The following SH3GL2 variants were observed in gnomAD, a reference collection of about 807,000 sequenced individuals.
The protein encoded by SH3GL2 is endophilin-A1.
Under a neutral mutation model 46.0 loss-of-function variants are expected in SH3GL2, and 24 were observed. That is an observed-to-expected ratio of 0.52 (90% CI 0.38 to 0.73). The LOEUF (loss-of-function observed/expected upper bound fraction) is 0.73, where lower values mean the gene tolerates loss of function less well. Among genes scored for constraint, SH3GL2 ranks in the 30% least tolerant of loss-of-function variants. The probability of loss-of-function intolerance (pLI) is 0.00; values close to 1 mark genes in which losing one functional copy is unlikely to be tolerated. For synonymous variants in SH3GL2, 196 were observed against 147.1 expected (o/e 1.33, Z -2.40); for missense variants, 413 against 424.2 (o/e 0.97, Z 0.23).
intron 1 of SH3GL2, among the ~76,000 whole-genome samples, chr9:17,632,830 T>C (rs908864529): frequency 1.3e-5 from 2 of 152,192 alleles, no homozygotes; most frequent in Non-Finnish European, 2.9e-5. Flanking sequence ...CTGAAAAAGA[T>C]TCTGTCAGGA....
rs117418382 is a variant in SH3GL2 at position 17,684,272 on chromosome 9, G to C, written c.46-62794G>C. On this transcript the variant is annotated intron_variant, in intron 1 of 8. Coordinates refer to ENST00000380607, the MANE Select transcript of SH3GL2 (RefSeq NM_003026.5). ...AAAAAAGAGTGAAATGAAAATGCTA[G>C]AAATGAAAAACTTAGTAACAGAGAT... Among the ~76,000 whole-genome samples, 188 of 152,168 alleles carry C rather than the reference G, an allele frequency of 1.2e-3. 6 individuals carry two copies. The East Asian group carries it at 0.027, about 22-fold the overall frequency.
chr9:17,622,301 T>G (rs1819161762), intron 1 of SH3GL2, among the ~76,000 whole-genome samples: 1 of 152,182 alleles, frequency 6.6e-6, no homozygotes, highest in Non-Finnish European at 1.5e-5. Flanking sequence ...AATCGTAATA[T>G]GCAAATAAGC....
At position 17,730,919 on chromosome 9, in the gene SH3GL2, G is replaced by A. The variant is rs181937677; in HGVS notation, c.46-16147G>A. 3.7e-3 allele frequency among the ~76,000 whole-genome samples: 556 copies of A among 152,188 alleles called. 6 individuals carry two copies. The highest frequency in any genetic ancestry group is 0.011 in the African/African-American group (451 of 41,550). ...GAACCAAAACAAAAGGACAAAAACA[G>A]TTTTTTAAATAAGTGCACACTTAGG... On this transcript the variant is annotated intron_variant, in intron 1 of 8. Coordinates refer to ENST00000380607, the MANE Select transcript of SH3GL2 (RefSeq NM_003026.5).
At chr9:17,745,452 C>T (rs528711490) in intron 1 of SH3GL2, among the ~76,000 whole-genome samples, 9 of 152,188 alleles carry the variant, frequency 5.9e-5, no homozygotes, top group South Asian at 4.1e-4. Context: ...TTTTCATAAC[C>T]GCTCTGTGTA....
intron 1 of SH3GL2, among the ~76,000 whole-genome samples, chr9:17,657,746 GGTT>G (rs1380007960): frequency 6.6e-6 from 1 of 152,084 alleles, no homozygotes; most frequent in Non-Finnish European, 1.5e-5. Flanking sequence ...GAACAATAAT[GGTT>G]GTTCTTACAA....
rs117896742 is a variant in SH3GL2 at position 17,689,018 on chromosome 9, C to T, written c.46-58048C>T. Among the ~76,000 whole-genome samples, 800 of 152,162 alleles carry T rather than the reference C, an allele frequency of 5.3e-3. 10 individuals carry two copies. The highest frequency in any genetic ancestry group is 0.027 in the East Asian group (139 of 5,152). On this transcript the variant is annotated intron_variant, in intron 1 of 8. Transcript: ENST00000380607. ...AGTCACTTTACAGTGGAGAAACCCA[C>T]ACACACTACCCCAGCCAGGTGATCA...
chr9:17,642,394 A>C (rs868011061), intron 1 of SH3GL2, among the ~76,000 whole-genome samples: 1 of 152,064 alleles, frequency 6.6e-6, no homozygotes, highest in African/African-American at 2.4e-5. Context: ...TTGTGTTGCC[A>C]TTGCTTTTGG....
chr9:17,773,199 G>A (rs759693964), intron 3 of SH3GL2, among the ~76,000 whole-genome samples: 5 of 151,968 alleles, frequency 3.3e-5, no homozygotes, highest in South Asian at 4.1e-4. Context: ...TTTTTGTTGC[G>A]TTTTAGGAGT....
At chr9:17,695,319 A>G (rs1405710177) in intron 1 of SH3GL2, among the ~76,000 whole-genome samples, 1 of 152,138 alleles carries the variant, frequency 6.6e-6, no homozygotes, top group Non-Finnish European at 1.5e-5. Context: ...GGAACTTGGG[A>G]TCCCACGAGC....
chr9:17,725,612 A>T (rs889837995), intron 1 of SH3GL2, among the ~76,000 whole-genome samples: 1 of 152,098 alleles, frequency 6.6e-6, no homozygotes, highest in Non-Finnish European at 1.5e-5. Flanking sequence ...AGTTGTGGTG[A>T]TGGTGGCTCT....
intron 1 of SH3GL2, among the ~76,000 whole-genome samples, chr9:17,608,286 T>C (rs1394528050): frequency 6.6e-6 from 1 of 151,606 alleles, no homozygotes; most frequent in South Asian, 2.1e-4. Flanking sequence ...TATCTGGGAC[T>C]ACAGGCGCCC....
intron 2 of SH3GL2, among the ~76,000 whole-genome samples, chr9:17,752,201 A>G (rs949410919): frequency 1.3e-5 from 2 of 152,186 alleles, no homozygotes; most frequent in Non-Finnish European, 2.9e-5. Flanking sequence ...TATTAAAAAC[A>G]TCACTCTTGG....
At chr9:17,783,857 C>T (rs1823881308) in intron 3 of SH3GL2, among the ~76,000 whole-genome samples, 1 of 152,094 alleles carries the variant, frequency 6.6e-6, no homozygotes, top group African/African-American at 2.4e-5. Context: ...AGGGCACATA[C>T]AACTTGGTAA....
intron 1 of SH3GL2, among the ~76,000 whole-genome samples, chr9:17,738,847 T>C (rs1318929561): frequency 6.6e-6 from 1 of 151,926 alleles, no homozygotes; most frequent in African/African-American, 2.4e-5. Context: ...TTTCCATTGA[T>C]TGGATGAGGC....
intron 1 of SH3GL2, among the ~76,000 whole-genome samples, chr9:17,594,277 C>T (rs961042391): frequency 9.2e-5 from 14 of 152,256 alleles, no homozygotes; most frequent in East Asian, 5.8e-4. Context: ...TTATGCCATA[C>T]GTTTCTTGCC....
intron 3 of SH3GL2, among the ~76,000 whole-genome samples, chr9:17,782,002 C>T (rs1823822737): frequency 6.6e-6 from 1 of 152,156 alleles, no homozygotes; most frequent in African/African-American, 2.4e-5. Flanking sequence ...GGCTGCACCT[C>T]ACTTCTTTCA....
rs139693000 is a variant in SH3GL2 at position 17,661,152 on chromosome 9, A to G, written c.45+81865A>G. Among the ~76,000 whole-genome samples, 566 of 152,204 alleles carry G rather than the reference A, an allele frequency of 3.7e-3. 4 individuals carry two copies. Among genetic ancestry groups the G allele is most frequent in the South Asian group, 0.02 (95 of 4,828 alleles). On this transcript the variant is annotated intron_variant, in intron 1 of 8. Transcript: ENST00000380607. ...ACTCCAGTCTGGGCAACAGAGTAAG[A>G]CTCCGTCTCAAAAAACAAAAACAAA...
intron 1 of SH3GL2, among the ~76,000 whole-genome samples, chr9:17,627,507 T>A (rs1457254726): frequency 2.0e-5 from 3 of 152,232 alleles, no homozygotes; most frequent in African/African-American, 7.2e-5. Flanking sequence ...ACCCTATCTG[T>A]TATTTGACTT....
At chr9:17,659,378 A>AG (rs1820161010) in intron 1 of SH3GL2, among the ~76,000 whole-genome samples, 4 of 152,176 alleles carry the variant, frequency 2.6e-5, no homozygotes, top group Non-Finnish European at 5.9e-5. Context: ...GCCATTCCTG[A>AG]GAATGGCTCA....
Sources: gnomAD v4.1 joint callset for allele counts (sites outside exome capture counted in the v4.1 genomes callset) on GRCh38, gnomAD v4.1.1 for gene constraint, MANE v1.5 for transcripts, NCBI Gene and HGNC (gene_info 2026-07-23, HGNC 2026-07-21) for gene names.